Variants in SERAC1 observed in about 807,000 individuals in gnomAD.
The protein encoded by SERAC1 is protein SERAC1.
SERAC1 carries 36 observed loss-of-function variants against 85.7 expected under a neutral mutation model. The observed-to-expected ratio is 0.42, with a 90% CI of 0.32 to 0.55. The LOEUF (loss-of-function observed/expected upper bound fraction) is 0.55, where lower values mean the gene tolerates loss of function less well. Among genes scored for constraint, SERAC1 ranks in the 20% least tolerant of loss-of-function variants. SERAC1 has a pLI of 0.11. For missense variants in SERAC1, 629 were observed against 796.2 expected (o/e 0.79, Z 2.53); for synonymous variants, 242 against 265.3 (o/e 0.91, Z 0.85).
In SERAC1 at chr6:158,113,512, C is replaced by T. The variant is rs1020569740; in HGVS notation, c.1765G>A (p.Glu589Lys). Residue 589 changes from glutamate (E) to lysine (K), a missense_variant, in exon 16 of 17, where the codon GAA (glutamate) becomes AAA (lysine). Transcript: ENST00000647468. ...CTGCCAATGTAGGTTGGTAGTGTTT[C>T]CACAAAATTCAGCACCTGGAAGTTT... ...DKNFQVLNFV[E>K]TLPTYIGSMI... The T allele has an allele frequency of 3.8e-5, 61 of 1,614,026 alleles. No homozygotes were observed. Among genetic ancestry groups the T allele is most frequent in the Non-Finnish European group, 5.1e-5 (60 of 1,179,892 alleles).
At chr6:158,166,151 G>A (rs1216648702) in intron 1 of SERAC1, 1 of 152,124 alleles carries the variant, frequency 6.6e-6, no homozygotes, top group Non-Finnish European at 1.5e-5. Context: ...TCTTTATCTG[G>A]AAACTGTTGT....
rs80342743 is a variant in SERAC1, at chr6:158,111,459, C to T, written c.1872G>A (p.Leu624=). ...CCTTTTTCTTTGGCTTACAAATGTT[C>T]AAATGGTTAACATCCACAGGAATTA... ...GDLIPVDVNH[L]NICKPKKKDA... is the part of the protein sequence containing the mutation. Residue 624 remains leucine (L), a synonymous_variant, in exon 17 of 17, where the codon TTG becomes TTA. Coordinates refer to ENST00000647468, the MANE Select transcript of SERAC1 (RefSeq NM_032861.4). The T allele has an allele frequency of 1.2e-6, 2 of 1,610,556 alleles. No individual in the cohort carries two copies. The highest frequency in any genetic ancestry group is 2.2e-5 in the East Asian group (1 of 44,838).
rs1443078289 is a variant in SERAC1, at chr6:158,120,714, A to C, written c.1016-139T>G. 1.1e-6 allele frequency: 1 copy of C among 876,700 alleles called. No individual in the cohort carries two copies. The highest frequency in any genetic ancestry group is 1.7e-6 in the Non-Finnish European group (1 of 587,120). The allele number at this position is 876,700 out of a possible 1,614,324, so 54.3% of individuals were successfully genotyped here. A position where few individuals can be genotyped will look rare whatever the true frequency, so the allele number is the denominator to read the frequency against. Reference sequence around the variant, plus strand: ...CTTGGCGGAGAAGTCCGACTATTCCAACCCCATTCTGCCCTACGATCCTCT... The same window carrying C: ...CTTGGCGGAGAAGTCCGACTATTCCCACCCCATTCTGCCCTACGATCCTCT... On this transcript the variant is annotated intron_variant, in intron 10 of 16. Transcript: ENST00000647468. The surrounding 1 kb of genome is among the most constrained non-coding windows in gnomAD (Gnocchi z 4.4).
chr6:158,149,168 A>G (rs1785145634), intron 4 of SERAC1, among the ~76,000 whole-genome samples: 1 of 151,846 alleles, frequency 6.6e-6, no homozygotes. Flanking sequence ...ATTTTTTTGT[A>G]TTTTTAGTAG....
chr6:158,148,955 C>G lies in SERAC1; in HGVS notation c.266-1G>C, dbSNP rs1429832576. ...TCTTTTCTTGCCTGCCAGGCAATAC[C>G]TAAAATGATTATAAAATTAAGTAAA... is the stretch of plus-strand genomic sequence containing the variant. On this transcript the variant is annotated splice_acceptor_variant, in intron 4 of 16. Coordinates refer to ENST00000647468, the MANE Select transcript of SERAC1 (RefSeq NM_032861.4). LOFTEE classifies it high-confidence loss of function. 1 of 1,583,658 alleles carries G rather than the reference C, an allele frequency of 6.3e-7. No homozygotes were observed. The highest frequency in any genetic ancestry group is 8.6e-7 in the Non-Finnish European group (1 of 1,163,412).
chr6:158,153,288 G>A (rs554510561), intron 3 of SERAC1, among the ~76,000 whole-genome samples: 2 of 152,180 alleles, frequency 1.3e-5, no homozygotes, highest in South Asian at 2.1e-4. Flanking sequence ...TGTAGTTCCC[G>A]CACTTAGATT....
Position 158,128,308 on chromosome 6 carries a change from T to C in SERAC1, c.853-38A>G, listed in dbSNP as rs1284005552. ...ATAAACAGAAGCTCCCTTGACATTG[T>C]ACAAATTCATGACGTGAGATGACAC... On this transcript the variant is annotated intron_variant, in intron 9 of 16. Transcript: ENST00000647468. 3.7e-6 allele frequency: 6 copies of C among 1,603,876 alleles called. No individual in the cohort carries two copies. The East Asian group carries it at 1.3e-4, about 36-fold the overall frequency.
intron 10 of SERAC1, among the ~76,000 whole-genome samples, chr6:158,123,074 C>G (rs1562437633): frequency 6.6e-6 from 1 of 151,802 alleles, no homozygotes. Context: ...ACACAGGATG[C>G]CTAAAGAGAA....
intron 8 of SERAC1, 21 bp from the exon 9 acceptor site, chr6:158,130,507 A>T (rs1562442477): frequency 7.0e-7 from 1 of 1,425,958 alleles, no homozygotes; most frequent in East Asian, 2.4e-5. Flanking sequence ...AATAATTAAA[A>T]TTTTTACTGA....
intron 8 of SERAC1, among the ~76,000 whole-genome samples, chr6:158,132,767 T>G (rs1784707732): frequency 6.6e-6 from 1 of 152,172 alleles, no homozygotes; most frequent in Admixed American, 6.5e-5. Flanking sequence ...CAAAAAGGAA[T>G]GAATACAAAG....
chr6:158,131,210 A>G (rs1784664028), intron 8 of SERAC1, among the ~76,000 whole-genome samples: 1 of 150,802 alleles, frequency 6.6e-6, no homozygotes, highest in Non-Finnish European at 1.5e-5. Context: ...TACCAACACT[A>G]TTATAGAAAT....
At chr6:158,160,075 C>T (rs1785452038) in intron 1 of SERAC1, among the ~76,000 whole-genome samples, 2 of 152,012 alleles carry the variant, frequency 1.3e-5, no homozygotes, top group South Asian at 4.1e-4. Context: ...TTCTATAGTC[C>T]TGCTAATTTA....
intron 8 of SERAC1, among the ~76,000 whole-genome samples, chr6:158,139,813 T>C (rs770995905): frequency 8.0e-4 from 122 of 152,194 alleles, no homozygotes; most frequent in Non-Finnish European, 8.4e-4. Context: ...AAAGAAGATA[T>C]GTAAGTGCCA....
At chr6:158,116,137 G>T in intron 14 of SERAC1, 48 bp downstream of exon 14, 2 of 1,504,250 alleles carry the variant, frequency 1.3e-6, no homozygotes, top group South Asian at 2.3e-5. Flanking sequence ...CACAGTGGCT[G>T]AAAATAACAT....
At position 158,111,305 on chromosome 6, in the gene SERAC1, GA is replaced by G; in HGVS notation, c.*60del. The G allele has an allele frequency of 6.8e-7, 1 of 1,466,592 alleles. No individual in the cohort carries two copies. The highest frequency in any genetic ancestry group is 2.2e-5 in the Admixed American group (1 of 44,636). 90.8% of individuals were successfully genotyped at this position (1,466,592 alleles called of 1,614,324 possible). On this transcript the variant is annotated 3_prime_UTR_variant, in exon 17 of 17. Coordinates refer to ENST00000647468, the MANE Select transcript of SERAC1 (RefSeq NM_032861.4). Reference sequence around the variant, plus strand: ...CATGATTGCATAGAGCTTAAAAGAAGAAACAGAACACCAAGTTTCTTGCACT... The same window carrying G: ...CATGATTGCATAGAGCTTAAAAGAAGAACAGAACACCAAGTTTCTTGCACT...
chr6:158,157,704 G>T (rs954637147), intron 2 of SERAC1, among the ~76,000 whole-genome samples: 1 of 152,198 alleles, frequency 6.6e-6, no homozygotes, highest in African/African-American at 2.4e-5. Flanking sequence ...TACATGCCAT[G>T]CATGATAAAT....
intron 9 of SERAC1, among the ~76,000 whole-genome samples, chr6:158,129,628 C>G (rs923711460): frequency 6.6e-6 from 1 of 151,744 alleles, no homozygotes; most frequent in Non-Finnish European, 1.5e-5. Flanking sequence ...AAGAGTTTAA[C>G]AATCATTGAT....
intron 9 of SERAC1, among the ~76,000 whole-genome samples, chr6:158,129,393 G>A (rs376445321): frequency 6.6e-6 from 1 of 152,212 alleles, no homozygotes; most frequent in African/African-American, 2.4e-5. Context: ...TTGTCTTGAT[G>A]TGGGACAGAT....
At chr6:158,126,616 C>T (rs1034643162) in intron 10 of SERAC1, among the ~76,000 whole-genome samples, 4 of 152,074 alleles carry the variant, frequency 2.6e-5, no homozygotes, top group African/African-American at 7.2e-5. Context: ...AAGACTAGAT[C>T]GGGCAGGAAC....
Sources: gnomAD v4.1 joint callset for allele counts (sites outside exome capture counted in the v4.1 genomes callset) on GRCh38, gnomAD v4.1.1 for gene constraint, Gnocchi (gnomAD v3.1) non-coding constraint, MANE v1.5 for transcripts, NCBI Gene and HGNC (gene_info 2026-07-23, HGNC 2026-07-21) for gene names.